USP3: variants seen among roughly 807,000 people sequenced by gnomAD.
The protein encoded by USP3 is ubiquitin specific peptidase 3, also known as ubiquitin carboxyl-terminal hydrolase 3.
Under a neutral mutation model 72.3 loss-of-function variants are expected in USP3, and 20 were observed. That is an observed-to-expected ratio of 0.28 (90% confidence interval 0.19 to 0.40). USP3 has a LOEUF of 0.40. Ranked by LOEUF, USP3 falls within the 10% of genes least tolerant of loss-of-function variation. The probability of loss-of-function intolerance (pLI) is 1.00; values close to 1 mark genes in which losing one functional copy is unlikely to be tolerated. For synonymous variants in USP3, 222 were observed against 225.3 expected (o/e 0.99, Z 0.13); for missense variants, 479 against 633.9 (o/e 0.76, Z 2.62).
intron 7 of USP3, among the ~76,000 whole-genome samples, chr15:63,562,673 C>G (rs1244688714): frequency 1.3e-5 from 2 of 152,256 alleles, no homozygotes; most frequent in Admixed American, 1.3e-4. Context: ...CATGGGCACA[C>G]TCAGAGTTAA....
At chr15:63,548,952 C>T (rs1292385866) in intron 3 of USP3, among the ~76,000 whole-genome samples, 3 of 152,108 alleles carry the variant, frequency 2.0e-5, no homozygotes, top group Non-Finnish European at 4.4e-5. Flanking sequence ...CTTAGATTCC[C>T]TACATTAGCA....
chr15:63,569,585 A>G (rs962183909), intron 8 of USP3, among the ~76,000 whole-genome samples: 10 of 152,212 alleles, frequency 6.6e-5, no homozygotes, highest in Non-Finnish European at 1.3e-4. Flanking sequence ...CATGCTGGCA[A>G]AATGCAGACA....
intron 1 of USP3, among the ~76,000 whole-genome samples, chr15:63,522,427 G>A (rs1329919047): frequency 2.6e-5 from 4 of 152,348 alleles, no homozygotes; most frequent in East Asian, 1.9e-4. Context: ...GTGTCATACA[G>A]ATATTTTCTA....
chr15:63,554,316 A>G (rs528322842), intron 4 of USP3, among the ~76,000 whole-genome samples: 1 of 152,376 alleles, frequency 6.6e-6, no homozygotes, highest in African/African-American at 2.4e-5. Context: ...ATATCAGTTG[A>G]CATTACAAGG....
intron 11 of USP3, among the ~76,000 whole-genome samples, chr15:63,584,158 C>G (rs1018542793): frequency 7.4e-6 from 1 of 135,006 alleles, no homozygotes; most frequent in Non-Finnish European, 1.5e-5. Flanking sequence ...AGTGCAGTGG[C>G]ATGATCTCAG....
At chr15:63,576,295 A>G (rs1424424364) in intron 11 of USP3, among the ~76,000 whole-genome samples, 1 of 152,084 alleles carries the variant, frequency 6.6e-6, no homozygotes, top group African/African-American at 2.4e-5. Context: ...CCTGAACAGT[A>G]CTTTCTGATG....
intron 2 of USP3, among the ~76,000 whole-genome samples, chr15:63,536,240 C>T (rs2066152996): frequency 6.6e-6 from 1 of 152,108 alleles, no homozygotes; most frequent in Admixed American, 6.5e-5. Context: ...AAACATGTTT[C>T]CATATGAGAG....
intron 1 of USP3, among the ~76,000 whole-genome samples, chr15:63,508,579 G>C (rs1014374298): frequency 6.6e-6 from 1 of 152,118 alleles, no homozygotes; most frequent in Non-Finnish European, 1.5e-5. Flanking sequence ...AAATAAAAGG[G>C]CATTCTCTCA....
At chr15:63,516,903 A>G (rs1285272595) in intron 1 of USP3, among the ~76,000 whole-genome samples, 2 of 150,270 alleles carry the variant, frequency 1.3e-5, no homozygotes, top group Non-Finnish European at 3.0e-5. Context: ...TCCTCCCCCC[A>G]TACTTATATC....
chr15:63,550,780 C>T lies in USP3; in HGVS notation c.285-2935C>T, dbSNP rs181457962. On this transcript the variant is annotated intron_variant, in intron 3 of 14. Transcript: ENST00000380324. The stretch of plus-strand genomic sequence containing the variant: ...AAAATATCTTTTTAACTTTTTTCCT[C>T]ATAATTTAAAAATATAATTTCCTTA... Among the ~76,000 whole-genome samples, 192 of 152,218 alleles carry T rather than the reference C, an allele frequency of 1.3e-3. 1 individual carries two copies. The highest frequency in any genetic ancestry group is 3.7e-3 in the Admixed American group (57 of 15,284).
At position 63,590,766 on chromosome 15, in the gene USP3, G is replaced by T. The variant is rs200782618; in HGVS notation, c.1503G>T (p.Ala501=). The change falls in exon 15 of 15, where the codon GCG becomes GCT. Residue 501 remains alanine, a synonymous_variant. Transcript: ENST00000380324. ...CTGACGAGGAGACTGTGGTGAAGGCGAAGGCCTACATCCTTTTCTACGTGG... is the reference window on the plus strand; with the variant it reads ...CTGACGAGGAGACTGTGGTGAAGGCTAAGGCCTACATCCTTTTCTACGTGG... ...TLTDEETVVK[A]KAYILFYVEH... The T allele has an allele frequency of 6.2e-7, 1 of 1,613,980 alleles. No homozygotes were observed. Among genetic ancestry groups the T allele is most frequent in the Non-Finnish European group, 8.5e-7 (1 of 1,179,996 alleles).
At chr15:63,545,989 A>AAAC (rs2066320269) in intron 3 of USP3, among the ~76,000 whole-genome samples, 1 of 150,774 alleles carries the variant, frequency 6.6e-6, no homozygotes, top group African/African-American at 2.4e-5. Flanking sequence ...AAAAAAAAAA[A>AAAC]AAAAAACAGT....
In USP3 at chr15:63,583,818, G is replaced by A. The variant is rs528243951; in HGVS notation, c.1097-4487G>A. 8.1e-4 allele frequency among the ~76,000 whole-genome samples: 123 copies of A among 152,194 alleles called. 1 individual carries two copies. The highest frequency in any genetic ancestry group is 1.4e-3 in the South Asian group (7 of 4,828). On this transcript the variant is annotated intron_variant, in intron 11 of 14. Coordinates refer to ENST00000380324, the MANE Select transcript of USP3 (RefSeq NM_006537.4). ...GTCTCAGAATTTACTTCCTTTTTGA[G>A]GCTTAATATTCTCTGGTATGTATAG...
At chr15:63,558,052 A>T (rs2066541767) in intron 5 of USP3, 54 bp from the exon 6 acceptor site, 12 of 1,594,056 alleles carry the variant, frequency 7.5e-6, no homozygotes, top group Non-Finnish European at 1.0e-5. Flanking sequence ...TGATGTTTGA[A>T]ACAGTTGGCC....
intron 11 of USP3, among the ~76,000 whole-genome samples, chr15:63,585,245 T>C (rs1413045257): frequency 6.6e-6 from 1 of 152,180 alleles, no homozygotes; most frequent in Non-Finnish European, 1.5e-5. Context: ...TCAGGATGGG[T>C]TTTCTATTTC....
At chr15:63,557,274 T>C (rs188175862) in intron 5 of USP3, among the ~76,000 whole-genome samples, 1 of 151,856 alleles carries the variant, frequency 6.6e-6, no homozygotes, top group African/African-American at 2.4e-5. Flanking sequence ...TTTTGTTTTT[T>C]TTTTTTGAGA....
rs1422753902 is a variant in USP3 at position 63,593,080 on chromosome 15, C to G, written c.*2254C>G. 3 of 152,334 alleles carry G rather than the reference C, an allele frequency of 2.0e-5. No homozygotes were observed. In the Middle Eastern group the frequency reaches 0.01, roughly 518 times the overall value. 9.4% of individuals were successfully genotyped at this position (152,334 alleles called of 1,614,324 possible). ...ACATACGGCGTAGGACAATGCTGGT[C>G]TAAATTTTCACTCCAAAGAATAAAA... is the stretch of plus-strand genomic sequence containing the variant. On this transcript the variant is annotated 3_prime_UTR_variant, in exon 15 of 15. Transcript: ENST00000380324.
chr15:63,541,089 A>G (rs2066237856), intron 3 of USP3, among the ~76,000 whole-genome samples: 1 of 152,196 alleles, frequency 6.6e-6, no homozygotes, highest in African/African-American at 2.4e-5. Context: ...GACATCTGAC[A>G]TAGTCTTGTC....
intron 9 of USP3, among the ~76,000 whole-genome samples, chr15:63,571,234 A>C (rs1347748484): frequency 6.6e-6 from 1 of 152,226 alleles, no homozygotes; most frequent in Non-Finnish European, 1.5e-5. Flanking sequence ...AATGTTTTGA[A>C]AAGTTTCATC....
Sources: gnomAD v4.1 joint callset for allele counts (sites outside exome capture counted in the v4.1 genomes callset) on GRCh38, gnomAD v4.1.1 for gene constraint, MANE v1.5 for transcripts, NCBI Gene and HGNC (gene_info 2026-07-23, HGNC 2026-07-21) for gene names.